The following FRMD3 variants were observed in gnomAD, a reference collection of about 807,000 sequenced individuals.
The protein encoded by FRMD3 is FERM domain-containing protein 3.
In FRMD3, 33 loss-of-function variants were observed where a neutral mutation model predicts 70.2. That is an observed-to-expected ratio of 0.47 (90% CI 0.36 to 0.63). The LOEUF is 0.63. Among genes scored for constraint, FRMD3 ranks in the 20% least tolerant of loss-of-function variants. The pLI, the probability that FRMD3 is intolerant of heterozygous loss-of-function variation, is 0.00. For synonymous variants in FRMD3, 279 were observed against 255.9 expected, an observed-to-expected ratio of 1.09 and a Z score of -0.86; for missense variants, 632 against 711.4, an observed-to-expected ratio of 0.89 and a Z score of 1.27.
At chr9:83,243,153 G>C (rs1258429412), downstream of FRMD3, 8 of 1,541,556 alleles carry the variant, frequency 5.2e-6, no homozygotes, top group Non-Finnish European at 6.1e-6. Context: ...GGAACATGGA[G>C]AGCCAAGTCT....
chr9:83,545,355 T>G, the FRMD3 span, among the ~76,000 whole-genome samples: 25,230 of 126,072 alleles, frequency 0.2, 2,502 homozygotes, highest in East Asian at 0.4. Context: ...TGTTTTTTTT[T>G]GTTTTTTTTT....
chr9:83,499,274 T>G (rs1040409019), intron 1 of FRMD3, among the ~76,000 whole-genome samples: 1 of 152,068 alleles, frequency 6.6e-6, no homozygotes, highest in African/African-American at 2.4e-5. Flanking sequence ...GACAAGAAGA[T>G]GAAAATTCCA....
chr9:83,492,397 C>T (rs765625095), intron 1 of FRMD3, among the ~76,000 whole-genome samples: 23 of 152,188 alleles, frequency 1.5e-4, no homozygotes, highest in African/African-American at 4.8e-4. Flanking sequence ...AAATGTGGCA[C>T]GAGTTTGGGG....
At chr9:83,312,860 T>C (rs1487132661) in intron 7 of FRMD3, among the ~76,000 whole-genome samples, 1 of 151,838 alleles carries the variant, frequency 6.6e-6, no homozygotes, top group Admixed American at 6.6e-5. Context: ...GTGTTTCTAA[T>C]GAGCAGCCCA....
intron 6 of FRMD3, among the ~76,000 whole-genome samples, chr9:83,318,345 A>G (rs1835662993): frequency 1.3e-5 from 2 of 152,180 alleles, no homozygotes; most frequent in Non-Finnish European, 2.9e-5. Flanking sequence ...GAGAACATGC[A>G]GTATTTGCCT....
At chr9:83,505,525 G>C (rs999868120) in intron 1 of FRMD3, among the ~76,000 whole-genome samples, 1 of 152,112 alleles carries the variant, frequency 6.6e-6, no homozygotes, top group Non-Finnish European at 1.5e-5. Context: ...TGGGAGGAAG[G>C]GGAGAGCCAC....
At chr9:83,333,595 T>C (rs1043319303) in intron 6 of FRMD3, among the ~76,000 whole-genome samples, 2 of 152,232 alleles carry the variant, frequency 1.3e-5, no homozygotes, top group African/African-American at 4.8e-5. Context: ...CTTCTTTCAA[T>C]TTCCTTTACT....
intron 13 of FRMD3, among the ~76,000 whole-genome samples, chr9:83,287,783 C>G (rs1005511561): frequency 6.6e-6 from 1 of 152,236 alleles, no homozygotes; most frequent in Admixed American, 6.5e-5. Context: ...GCACTGATAT[C>G]CAGTAGGGCA....
chr9:83,420,855 C>A (rs933088662), intron 1 of FRMD3, among the ~76,000 whole-genome samples: 4 of 152,238 alleles, frequency 2.6e-5, no homozygotes, highest in Non-Finnish European at 5.9e-5. Flanking sequence ...GTGGAAGCAG[C>A]CTGAGGCCCT....
intron 1 of FRMD3, among the ~76,000 whole-genome samples, chr9:83,520,970 CAAA>C (rs144061788): frequency 1.8e-5 from 1 of 56,152 alleles, no homozygotes. Flanking sequence ...ACTAAAAATA[CAAA>C]AAAAAAAAAA....
intron 1 of FRMD3, among the ~76,000 whole-genome samples, chr9:83,517,494 C>CAAAAAAAAAAG: frequency 1.5e-5 from 1 of 65,536 alleles, no homozygotes; most frequent in Admixed American, 2.1e-4. Flanking sequence ...CCTACCAATC[C>CAAAAAAAAAAG]AAAAAAAAAA....
intron 3 of FRMD3, among the ~76,000 whole-genome samples, chr9:83,369,852 T>C (rs1210335782): frequency 2.6e-5 from 4 of 152,230 alleles, no homozygotes; most frequent in South Asian, 2.1e-4. Flanking sequence ...GCAATTGTTA[T>C]TTCTTTGGGG....
chr9:83,396,994 G>C (rs1172676887), intron 1 of FRMD3, among the ~76,000 whole-genome samples: 1 of 152,138 alleles, frequency 6.6e-6, no homozygotes, highest in African/African-American at 2.4e-5. Context: ...TCTTTGTTCT[G>C]CTGTGTTCTA....
At chr9:83,437,252 T>C (rs1827162662) in intron 1 of FRMD3, among the ~76,000 whole-genome samples, 1 of 152,248 alleles carries the variant, frequency 6.6e-6, no homozygotes, top group Admixed American at 6.5e-5. Context: ...TTCTGTCCTA[T>C]AGAGGAGGCA....
At chr9:83,413,694 G>A (rs1257307798) in intron 1 of FRMD3, among the ~76,000 whole-genome samples, 1 of 152,052 alleles carries the variant, frequency 6.6e-6, no homozygotes, top group Non-Finnish European at 1.5e-5. Context: ...TTCTTCCACT[G>A]TATTAATTTA....
At chr9:83,372,153 T>A (rs912426692) in intron 3 of FRMD3, among the ~76,000 whole-genome samples, 1 of 152,146 alleles carries the variant, frequency 6.6e-6, no homozygotes, top group Non-Finnish European at 1.5e-5. Flanking sequence ...GCAGTAAGTT[T>A]CTGAGGTGCA....
intron 1 of FRMD3, among the ~76,000 whole-genome samples, chr9:83,516,813 G>C (rs1360555701): frequency 1.3e-5 from 2 of 152,184 alleles, no homozygotes; most frequent in Non-Finnish European, 2.9e-5. Context: ...TCAGGATTAA[G>C]AAACTCAATC....
intron 6 of FRMD3, among the ~76,000 whole-genome samples, chr9:83,323,758 T>C (rs1302683002): frequency 1.3e-5 from 2 of 152,242 alleles, no homozygotes; most frequent in African/African-American, 4.8e-5. Context: ...TAAATGGATA[T>C]ACACTGTATG....
At chr9:83,310,584 A>C in intron 8 of FRMD3, 36 bp from the exon 9 acceptor site, 1 of 1,540,546 alleles carries the variant, frequency 6.5e-7, no homozygotes. Flanking sequence ...GAAGAAAAAA[A>C]GTGGCAGCTA....
Sources: gnomAD v4.1 joint callset for allele counts (sites outside exome capture counted in the v4.1 genomes callset) on GRCh38, gnomAD v4.1.1 for gene constraint, MANE v1.5 for transcripts, NCBI Gene and HGNC (gene_info 2026-07-23, HGNC 2026-07-21) for gene names.